CIMAP1D: variants seen among roughly 807,000 people sequenced by gnomAD.
CIMAP1D encodes the protein protein CIMAP1D.
chr19:480,210 G>A, the CIMAP1D span, among the ~76,000 whole-genome samples: 4 of 152,362 alleles, frequency 2.6e-5, no homozygotes, highest in African/African-American at 4.8e-5. Flanking sequence ...AAACAGCGAC[G>A]AGGCCCGTGC....
the CIMAP1D span, among the ~76,000 whole-genome samples, chr19:477,868 T>C: frequency 6.6e-6 from 1 of 152,134 alleles, no homozygotes; most frequent in African/African-American, 2.4e-5. Flanking sequence ...CCCTGTCCTC[T>C]CGTCCTGCTC....
chr19:486,121 G>T, the CIMAP1D span, among the ~76,000 whole-genome samples: 8 of 152,330 alleles, frequency 5.3e-5, no homozygotes, highest in African/African-American at 1.9e-4. Flanking sequence ...GGCTCTGCTG[G>T]GCACCCAGCC....
chr19:474,824 C>A, the CIMAP1D span: 1 of 1,264,110 alleles, frequency 7.9e-7, no homozygotes, highest in Non-Finnish European at 1.0e-6. Context: ...CTGGCGGCCA[C>A]AGGCCCAGGC....
At chr19:468,404 C>T in the CIMAP1D span, among the ~76,000 whole-genome samples, 19 of 152,114 alleles carry the variant, frequency 1.2e-4, 1 homozygote, top group African/African-American at 3.1e-4. Context: ...GTGACAAGAG[C>T]GACTAGGCTC....
chr19:470,429 T>C, the CIMAP1D span, among the ~76,000 whole-genome samples: 2 of 151,856 alleles, frequency 1.3e-5, no homozygotes, highest in Non-Finnish European at 2.9e-5. Context: ...GCCAGGATGG[T>C]CTCGATCTCC....
chr19:482,912 G>A, the CIMAP1D span, among the ~76,000 whole-genome samples: 1 of 152,126 alleles, frequency 6.6e-6, no homozygotes, highest in South Asian at 2.1e-4. Flanking sequence ...TTCCTGCAGT[G>A]AACTTCCCAG....
At chr19:481,281 T>C in the CIMAP1D span, among the ~76,000 whole-genome samples, 42 of 128,330 alleles carry the variant, frequency 3.3e-4, 1 homozygote, top group Middle Eastern at 7.1e-3. Flanking sequence ...TGGGAAAGTA[T>C]GATGGGAAGG....
chr19:481,285 G>C, the CIMAP1D span, among the ~76,000 whole-genome samples: 7 of 148,034 alleles, frequency 4.7e-5, no homozygotes, highest in Non-Finnish European at 1.0e-4. Flanking sequence ...AAAGTATGAT[G>C]GGAAGGATGA....
At chr19:464,958 G>A in the CIMAP1D span, among the ~76,000 whole-genome samples, 1 of 137,386 alleles carries the variant, frequency 7.3e-6, no homozygotes, top group South Asian at 2.8e-4. Context: ...AAGGAAAAAA[G>A]GAAGGATTCA....
the CIMAP1D span, among the ~76,000 whole-genome samples, chr19:490,807 T>C: frequency 1.3e-5 from 2 of 150,802 alleles, no homozygotes; most frequent in African/African-American, 4.9e-5. Context: ...CTATTAAAAA[T>C]ACAAAAATTG....
At chr19:469,581 T>A in the CIMAP1D span, among the ~76,000 whole-genome samples, 5 of 151,922 alleles carry the variant, frequency 3.3e-5, no homozygotes, top group Non-Finnish European at 7.4e-5. Context: ...TCCCAGCTAC[T>A]CAGGAGGCTG....
the CIMAP1D span, among the ~76,000 whole-genome samples, chr19:472,088 A>G: frequency 6.6e-6 from 1 of 152,242 alleles, no homozygotes; most frequent in Non-Finnish European, 1.5e-5. Context: ...CAAAGCACTT[A>G]AGCAATTTGC....
the CIMAP1D span, among the ~76,000 whole-genome samples, chr19:482,861 G>A: frequency 3.3e-5 from 5 of 152,042 alleles, no homozygotes; most frequent in Admixed American, 6.6e-5. Context: ...CCCGCCCCTC[G>A]ACGGGCACCG....
the CIMAP1D span, chr19:490,118 G>A: frequency 2.5e-6 from 1 of 393,832 alleles, no homozygotes; most frequent in Non-Finnish European, 4.5e-6. Context: ...CACTGTGGGA[G>A]GCCGAGGCAG....
the CIMAP1D span, chr19:467,589 G>A: frequency 9.6e-7 from 1 of 1,037,660 alleles, no homozygotes; most frequent in South Asian, 1.3e-5. Context: ...GACAGGGCAG[G>A]AGAGTCGCTG....
the CIMAP1D span, among the ~76,000 whole-genome samples, chr19:485,283 C>T: frequency 5.3e-5 from 8 of 152,190 alleles, no homozygotes; most frequent in Non-Finnish European, 7.4e-5. Flanking sequence ...CGCACACACA[C>T]GCGTGCTCAC....
chr19:469,231 T>C, the CIMAP1D span, among the ~76,000 whole-genome samples: 1 of 151,492 alleles, frequency 6.6e-6, no homozygotes, highest in Non-Finnish European at 1.5e-5. Context: ...TTCTTTTTTT[T>C]TTTTTTGAGG....
chr19:483,094 C>T, the CIMAP1D span, among the ~76,000 whole-genome samples: 1 of 152,184 alleles, frequency 6.6e-6, no homozygotes, highest in Admixed American at 6.5e-5. Flanking sequence ...ATCATTCAAA[C>T]ATCCTCTTCC....
At chr19:488,458 C>G in the CIMAP1D span, among the ~76,000 whole-genome samples, 1 of 152,168 alleles carries the variant, frequency 6.6e-6, no homozygotes, top group South Asian at 2.1e-4. Context: ...GGAGGCGGAG[C>G]TTGCGGTGAG....
Sources: allele counts gnomAD v4.1 joint callset (sites outside exome capture counted in the v4.1 genomes callset), GRCh38; gene constraint gnomAD v4.1.1; transcripts MANE v1.5; gene names NCBI Gene and HGNC (gene_info 2026-07-23, HGNC 2026-07-21).